Variants in CACNA1D observed in about 807,000 individuals in gnomAD.
The protein encoded by CACNA1D is voltage-dependent L-type calcium channel subunit alpha-1D.
A neutral mutation model predicts 257.1 loss-of-function variants in CACNA1D; 55 were observed. That is an observed-to-expected ratio of 0.21 (90% CI 0.17 to 0.27). The LOEUF is 0.27. CACNA1D is among the 10% of genes least tolerant of loss of function. CACNA1D has a pLI of 1.00. For synonymous variants in CACNA1D, 980 were observed against 1,014.9 expected (o/e 0.97, Z 0.65); for missense variants, 1,876 against 2,784.0 (o/e 0.67, Z 7.34).
intron 3 of CACNA1D, among the ~76,000 whole-genome samples, chr3:53,600,091 AG>A (rs1306777673): frequency 6.6e-6 from 1 of 152,238 alleles, no homozygotes; most frequent in Admixed American, 6.5e-5. Flanking sequence ...ACCAGAAACA[AG>A]GGGCCTGAGT....
chr3:53,810,265 C>G lies in CACNA1D; in HGVS notation c.6159C>G (p.Asp2053Glu), dbSNP rs938750291. 2.3e-5 allele frequency: 37 copies of G among 1,613,686 alleles called. 3 individuals are homozygous for G. The change falls in exon 47 of 48, where the codon GAC (aspartate) becomes GAG (glutamate). Residue 2053 changes from aspartate (D) to glutamate (E), a missense_variant. Around this residue, in one of 10 missense-constraint regions of CACNA1D, gnomAD observed 491 missense variants for 554.3 expected, o/e 0.89. Coordinates refer to ENST00000350061, the MANE Select transcript of CACNA1D (RefSeq NM_001128840.3). ...VPSSFRNKNSDKQRSADSLVE... is the reference protein window; with the variant it reads ...VPSSFRNKNSEKQRSADSLVE... ...GCAGCTTCCGGAACAAAAACAGCGA[C>G]AAGCAGAGGAGTGCGGACAGCTTGG...
chr3:53,654,988 A>G (rs2094134664), intron 4 of CACNA1D, among the ~76,000 whole-genome samples: 1 of 152,164 alleles, frequency 6.6e-6, no homozygotes, highest in African/African-American at 2.4e-5. Flanking sequence ...AATCATTATC[A>G]TGAAGAAAGG....
intron 38 of CACNA1D, among the ~76,000 whole-genome samples, chr3:53,780,798 G>C (rs1366039176): frequency 1.3e-5 from 2 of 152,210 alleles, no homozygotes; most frequent in African/African-American, 4.8e-5. Context: ...GGAGTGACCA[G>C]GAGGTGGGGG....
At chr3:53,741,956 G>A (rs543699312) in intron 21 of CACNA1D, among the ~76,000 whole-genome samples, 2 of 152,288 alleles carry the variant, frequency 1.3e-5, no homozygotes, top group South Asian at 4.1e-4. Flanking sequence ...CGGTAGAATT[G>A]CTTCACCGAC....
chr3:53,599,297 C>T (rs185875153), intron 3 of CACNA1D, among the ~76,000 whole-genome samples: 33 of 152,182 alleles, frequency 2.2e-4, no homozygotes, highest in Middle Eastern at 3.4e-3. Context: ...CTCTTTTAAC[C>T]ACTATAAACC....
At chr3:53,652,633 C>T (rs1312754814) in intron 4 of CACNA1D, among the ~76,000 whole-genome samples, 3 of 152,200 alleles carry the variant, frequency 2.0e-5, no homozygotes, top group African/African-American at 2.4e-5. Context: ...CCTCATTGAA[C>T]ACCCTGGACT....
chr3:53,709,093 G>A (rs1028798782), intron 9 of CACNA1D, among the ~76,000 whole-genome samples: 4 of 152,204 alleles, frequency 2.6e-5, no homozygotes, highest in Admixed American at 2.6e-4. Flanking sequence ...AATAGGGTCT[G>A]TTTCTGCCCT....
intron 26 of CACNA1D, 134 bp downstream of exon 26, chr3:53,747,582 C>A: frequency 2.3e-6 from 2 of 882,496 alleles, no homozygotes; most frequent in Non-Finnish European, 3.7e-6. Context: ...CCTTGGGCCA[C>A]TTCTCAGTCA....
chr3:53,694,949 T>A (rs957908572), intron 8 of CACNA1D, among the ~76,000 whole-genome samples: 1 of 152,142 alleles, frequency 6.6e-6, no homozygotes, highest in Non-Finnish European at 1.5e-5. Flanking sequence ...GTTTGTCTAT[T>A]CCATCTAAAG....
intron 19 of CACNA1D, among the ~76,000 whole-genome samples, chr3:53,733,724 A>G (rs930248600): frequency 3.9e-5 from 6 of 152,094 alleles, no homozygotes; most frequent in Non-Finnish European, 8.8e-5. Flanking sequence ...TTGCAGAAGT[A>G]GTTCTTGGCT....
chr3:53,726,526 A>T (rs1460600989), intron 14 of CACNA1D, among the ~76,000 whole-genome samples: 3 of 152,126 alleles, frequency 2.0e-5, no homozygotes, highest in African/African-American at 7.2e-5. Context: ...AATCCCAGCT[A>T]CTTGAAAGGC....
chr3:53,528,846 A>G (rs972297423), intron 3 of CACNA1D, among the ~76,000 whole-genome samples: 1 of 152,146 alleles, frequency 6.6e-6, no homozygotes, highest in Non-Finnish European at 1.5e-5. Context: ...TGATTTTTGT[A>G]TATGTTGCCT....
At position 53,504,383 on chromosome 3, in the gene CACNA1D, G is replaced by T. The variant is rs191018458; in HGVS notation, c.483+2663G>T. Among the ~76,000 whole-genome samples the T allele has an allele frequency of 5.9e-5, 9 of 152,304 alleles. No homozygotes were observed. The East Asian group carries it at 1.7e-3, about 29-fold the overall frequency. On this transcript the variant is annotated intron_variant, in intron 3 of 47. Coordinates refer to ENST00000350061, the MANE Select transcript of CACNA1D (RefSeq NM_001128840.3). Reference sequence around the variant, plus strand: ...TTATGACTTTTTTTGGGGAAGAAACGTGGCCATCCCCATTGATCCAATGTG... The same window carrying T: ...TTATGACTTTTTTTGGGGAAGAAACTTGGCCATCCCCATTGATCCAATGTG...
chr3:53,684,892 TGACTTAAAAGG>T (rs2094461737), intron 8 of CACNA1D, among the ~76,000 whole-genome samples: 1 of 152,010 alleles, frequency 6.6e-6, no homozygotes, highest in East Asian at 1.9e-4. Context: ...TCCAGAGTAA[TGACTTAAAAGG>T]GGTACTAAAA....
chr3:53,573,594 A>G (rs376086942), intron 3 of CACNA1D, among the ~76,000 whole-genome samples: 2 of 152,048 alleles, frequency 1.3e-5, no homozygotes, highest in African/African-American at 2.4e-5. Context: ...GCTTCTCCCT[A>G]TCCACCATAT....
intron 32 of CACNA1D, 94 bp from the exon 33 acceptor site, chr3:53,772,739 G>A: frequency 1.2e-6 from 1 of 868,146 alleles, no homozygotes; most frequent in Non-Finnish European, 2.0e-6. Flanking sequence ...GAATAGAAAG[G>A]AAGCATGTGG....
At chr3:53,712,363 T>A (rs916387524) in intron 9 of CACNA1D, among the ~76,000 whole-genome samples, 2 of 152,266 alleles carry the variant, frequency 1.3e-5, no homozygotes, top group African/African-American at 4.8e-5. Context: ...GATGCTGGGC[T>A]GCCCCTGTCC....
At chr3:53,592,896 C>T (rs888321974) in intron 3 of CACNA1D, among the ~76,000 whole-genome samples, 1 of 152,214 alleles carries the variant, frequency 6.6e-6, no homozygotes, top group Admixed American at 6.5e-5. Context: ...GCCATGTTGG[C>T]CCGGTTGGTC....
At chr3:53,709,695 C>A (rs1020513115) in intron 9 of CACNA1D, among the ~76,000 whole-genome samples, 2 of 152,136 alleles carry the variant, frequency 1.3e-5, no homozygotes, top group Non-Finnish European at 2.9e-5. Context: ...CATGGGGCTG[C>A]AAGGGGTTAA....
Sources: gnomAD v4.1 joint callset for allele counts (sites outside exome capture counted in the v4.1 genomes callset) on GRCh38, gnomAD v4.1.1 for gene constraint, gnomAD v4.1.1 regional missense constraint, MANE v1.5 for transcripts, NCBI Gene and HGNC (gene_info 2026-07-23, HGNC 2026-07-21) for gene names.